PLXNA4: variants seen among roughly 807,000 people sequenced by gnomAD.
The protein encoded by PLXNA4 is plexin A4, also known as plexin-A4.
A neutral mutation model predicts 191.8 loss-of-function variants in PLXNA4; 44 were observed. The observed-to-expected ratio is 0.23, with a 90% CI of 0.18 to 0.29. PLXNA4 has a LOEUF of 0.29. Among genes scored for constraint, PLXNA4 ranks in the 10% least tolerant of loss-of-function variants. The pLI is 1.00. For missense variants in PLXNA4, 1,800 were observed against 2,488.8 expected (o/e 0.72, Z 5.89); for synonymous variants, 1,082 against 1,009.5 (o/e 1.07, Z -1.36).
intron 3 of PLXNA4, among the ~76,000 whole-genome samples, chr7:132,339,367 A>G (rs1331353386): frequency 6.6e-6 from 1 of 152,236 alleles, no homozygotes; most frequent in African/African-American, 2.4e-5. Flanking sequence ...TAAAGACTAC[A>G]TGAAAGTTTA....
intron 2 of PLXNA4, among the ~76,000 whole-genome samples, chr7:132,506,804 G>A (rs568347436): frequency 3.3e-5 from 5 of 152,302 alleles, no homozygotes; most frequent in African/African-American, 9.6e-5. Flanking sequence ...ATCATCCCAT[G>A]CTGCTCTCCG....
intron 1 of PLXNA4, among the ~76,000 whole-genome samples, chr7:132,647,473 A>G (rs1803897979): frequency 1.3e-5 from 2 of 152,112 alleles, no homozygotes; most frequent in African/African-American, 4.8e-5. Flanking sequence ...TCACACATAT[A>G]CTCACATGTA....
At chr7:132,175,825 A>C (rs1796439413) in intron 20 of PLXNA4, among the ~76,000 whole-genome samples, 1 of 152,248 alleles carries the variant, frequency 6.6e-6, no homozygotes, top group Non-Finnish European at 1.5e-5. Context: ...GCATGCATGC[A>C]CATGGACCAC....
At chr7:132,634,079 C>T (rs1043902415) in intron 2 of PLXNA4, among the ~76,000 whole-genome samples, 2 of 152,194 alleles carry the variant, frequency 1.3e-5, no homozygotes, top group Non-Finnish European at 2.9e-5. Flanking sequence ...GAGTTCCAAG[C>T]TAAGAAATCC....
chr7:132,591,634 A>T (rs1222941990), intron 2 of PLXNA4, among the ~76,000 whole-genome samples: 1 of 152,216 alleles, frequency 6.6e-6, no homozygotes, highest in East Asian at 1.9e-4. Context: ...AAGGGTCCAG[A>T]TTTTATTTGT....
At chr7:132,319,103 ACCT>A (rs942330816) in intron 3 of PLXNA4, among the ~76,000 whole-genome samples, 8 of 149,188 alleles carry the variant, frequency 5.4e-5, no homozygotes, top group African/African-American at 1.7e-4. Flanking sequence ...CCCTTCTGAA[ACCT>A]CCTCTCCTCT....
chr7:132,285,613 T>C lies in PLXNA4; in HGVS notation c.1503+12478A>G, dbSNP rs971801170. ...GTAATTTACCCTTTTATACCTATAT[T>C]GCATTTAGTAAAGTCACATGACATC... is the stretch of plus-strand genomic sequence containing the variant. On this transcript the variant is annotated intron_variant, in intron 4 of 31. Transcript: ENST00000321063. Among the ~76,000 whole-genome samples, 3 of 152,236 alleles carry C rather than the reference T, an allele frequency of 2.0e-5. No individual in the cohort carries two copies. In the South Asian group the frequency reaches 6.2e-4, roughly 32 times the overall value.
chr7:132,615,622 T>C (rs78332595), intron 2 of PLXNA4, among the ~76,000 whole-genome samples: 2,829 of 152,288 alleles, frequency 0.019, 78 homozygotes, highest in African/African-American at 0.064. Flanking sequence ...ATTCCCTGCT[T>C]CTGCTCACCT....
chr7:132,246,546 G>C (rs761285157), intron 4 of PLXNA4, among the ~76,000 whole-genome samples: 3 of 152,138 alleles, frequency 2.0e-5, no homozygotes, highest in Non-Finnish European at 4.4e-5. Context: ...TCCTCCTGCT[G>C]TTGCTCAAGC....
intron 22 of PLXNA4, among the ~76,000 whole-genome samples, chr7:132,167,353 C>G (rs12386585): frequency 0.19 from 29,645 of 152,028 alleles, 5,496 homozygotes; most frequent in African/African-American, 0.49. Context: ...GGCCCATTTA[C>G]AGCCTACAGC....
chr7:132,212,339 A>G (rs951406697), intron 9 of PLXNA4, among the ~76,000 whole-genome samples: 1 of 152,194 alleles, frequency 6.6e-6, no homozygotes, highest in Non-Finnish European at 1.5e-5. Context: ...GAGGGGTTCT[A>G]GGCAGTTAGG....
intron 4 of PLXNA4, among the ~76,000 whole-genome samples, chr7:132,268,711 A>G (rs1042673731): frequency 2.6e-5 from 4 of 152,144 alleles, no homozygotes; most frequent in Admixed American, 6.5e-5. Context: ...CAGGAGGAGG[A>G]AGGCTGCCAG....
At chr7:132,311,563 G>A (rs1801742842) in intron 3 of PLXNA4, among the ~76,000 whole-genome samples, 2 of 152,126 alleles carry the variant, frequency 1.3e-5, no homozygotes, top group African/African-American at 2.4e-5. Context: ...GCACTGTAAT[G>A]TTCAGTGTCA....
Position 132,141,777 on chromosome 7 carries a change from G to A in PLXNA4, c.5226-966C>T, listed in dbSNP as rs115563920. On this transcript the variant is annotated intron_variant, in intron 29 of 31. Transcript: ENST00000321063. ...TGGAGTTTTGCTCTGTCACCCAAGCGGGAGTGCAGTGGGGCGATCTCAGCT... is the reference window on the plus strand; with the variant it reads ...TGGAGTTTTGCTCTGTCACCCAAGCAGGAGTGCAGTGGGGCGATCTCAGCT... 1.9e-3 allele frequency among the ~76,000 whole-genome samples: 283 copies of A among 152,134 alleles called. 2 individuals carry two copies. The highest frequency in any genetic ancestry group is 6.2e-3 in the African/African-American group (257 of 41,518).
rs562514743 is a variant in PLXNA4, at chr7:132,351,151, G to A, written c.1372-52929C>T. Among the ~76,000 whole-genome samples, 70 of 152,306 alleles carry A rather than the reference G, an allele frequency of 4.6e-4. No individual in the cohort carries two copies. The South Asian group carries it at 0.013, about 29-fold the overall frequency. On this transcript the variant is annotated intron_variant, in intron 3 of 31. Coordinates refer to ENST00000321063, the MANE Select transcript of PLXNA4 (RefSeq NM_020911.2). ...GGGGCCATGTGGAGCTGGAGAGGGT[G>A]ATGGCTAAGGGATTTGAGCTGTCTT...
At chr7:132,526,145 A>C (rs1247306363) in intron 1 of PLXNA4, among the ~76,000 whole-genome samples, 1 of 152,202 alleles carries the variant, frequency 6.6e-6, no homozygotes, top group Non-Finnish European at 1.5e-5. Flanking sequence ...AGAAAACCCA[A>C]GCTCTCAAGA....
intron 4 of PLXNA4, among the ~76,000 whole-genome samples, chr7:132,244,435 A>G (rs947050086): frequency 1.3e-5 from 2 of 152,204 alleles, no homozygotes; most frequent in Non-Finnish European, 2.9e-5. Context: ...AAACAACCCA[A>G]CTGCCTGTAG....
At chr7:132,163,431 TC>T (rs921897856) in intron 24 of PLXNA4, among the ~76,000 whole-genome samples, 5 of 152,206 alleles carry the variant, frequency 3.3e-5, no homozygotes, top group Non-Finnish European at 7.3e-5. Flanking sequence ...TCTCATTTTT[TC>T]AGATAAAGAG....
At chr7:132,343,787 C>T (rs1173729797) in intron 3 of PLXNA4, among the ~76,000 whole-genome samples, 1 of 152,142 alleles carries the variant, frequency 6.6e-6, no homozygotes, top group African/African-American at 2.4e-5. Context: ...CATGGTGGTG[C>T]ACACCTATAA....
Sources: allele counts gnomAD v4.1 joint callset (sites outside exome capture counted in the v4.1 genomes callset), GRCh38; gene constraint gnomAD v4.1.1; transcripts MANE v1.5; gene names NCBI Gene and HGNC (gene_info 2026-07-23, HGNC 2026-07-21).